The following SLFN12L variants were observed in gnomAD, a reference collection of about 807,000 sequenced individuals.
SLFN12L encodes the protein schlafen family member 12-like.
SLFN12L carries 34 observed loss-of-function variants against 34.8 expected under a neutral mutation model. That is an observed-to-expected ratio of 0.98 (90% CI 0.74 to 1.30). The LOEUF (loss-of-function observed/expected upper bound fraction) is 1.30, where lower values mean the gene tolerates loss of function less well. SLFN12L is among the 50% of genes most tolerant of loss of function. The pLI, the probability that SLFN12L is intolerant of heterozygous loss-of-function variation, is 0.00. For synonymous variants in SLFN12L, 259 were observed against 247.5 expected, an observed-to-expected ratio of 1.05 and a Z score of -0.44; for missense variants, 703 against 696.2, an observed-to-expected ratio of 1.01 and a Z score of -0.11.
intron 1 of SLFN12L, among the ~76,000 whole-genome samples, chr17:35,528,380 T>G (rs958321795): frequency 8.0e-6 from 1 of 125,174 alleles, no homozygotes; most frequent in Non-Finnish European, 1.7e-5. Context: ...CAAGCCTGCA[T>G]AGCCAAGACA....
chr17:35,466,919 T>C lies in SLFN12L; in HGVS notation c.*8004A>G, dbSNP rs934388598. ...CATAGAGGCTTTCACAGATTCTGAGTCTGTGACCCTCCATACCTGGCTACC... is the reference window on the plus strand; with the variant it reads ...CATAGAGGCTTTCACAGATTCTGAGCCTGTGACCCTCCATACCTGGCTACC... On this transcript the variant is annotated 3_prime_UTR_variant, in exon 5 of 5. Coordinates refer to ENST00000628453, the MANE Select transcript of SLFN12L (RefSeq NM_001363830.2). Among the ~76,000 whole-genome samples, 1 of 152,118 alleles carries C rather than the reference T, an allele frequency of 6.6e-6. No homozygotes were observed. The highest frequency in any genetic ancestry group is 2.4e-5 in the African/African-American group (1 of 41,434).
At position 35,471,465 on chromosome 17, in the gene SLFN12L, A is replaced by G. The variant is rs1404836603; in HGVS notation, c.*3458T>C. On this transcript the variant is annotated 3_prime_UTR_variant, in exon 5 of 5. Transcript: ENST00000628453. ...ATGTATCTTTATAGTAGAATGATTT[A>G]CATTCCTTTGGGTATATACCCAGTA... is the stretch of plus-strand genomic sequence containing the variant. Among the ~76,000 whole-genome samples, 2 of 152,134 alleles carry G rather than the reference A, an allele frequency of 1.3e-5. No homozygotes were observed. The highest frequency in any genetic ancestry group is 2.9e-5 in the Non-Finnish European group (2 of 68,028).
At chr17:35,504,783 C>A (rs1915413357) in intron 2 of SLFN12L, among the ~76,000 whole-genome samples, 1 of 152,218 alleles carries the variant, frequency 6.6e-6, no homozygotes, top group Non-Finnish European at 1.5e-5. Context: ...TCTTTGGAGA[C>A]CTGAAGGGAT....
chr17:35,502,580 C>T (rs188310916), intron 2 of SLFN12L, among the ~76,000 whole-genome samples: 25 of 151,678 alleles, frequency 1.6e-4, no homozygotes, highest in Admixed American at 6.6e-4. Flanking sequence ...ATAGATGGTT[C>T]CTCCCGGGCA....
chr17:35,486,452 G>A (rs1193294861), intron 2 of SLFN12L, among the ~76,000 whole-genome samples: 2 of 152,156 alleles, frequency 1.3e-5, no homozygotes, highest in Non-Finnish European at 2.9e-5. Context: ...AGCTGCAGTT[G>A]AGCCACCTTA....
At chr17:35,488,570 A>G (rs773276707) in intron 2 of SLFN12L, among the ~76,000 whole-genome samples, 4 of 152,150 alleles carry the variant, frequency 2.6e-5, no homozygotes, top group Non-Finnish European at 4.4e-5. Context: ...CCACACGTCT[A>G]AGAACTGTTG....
intron 2 of SLFN12L, among the ~76,000 whole-genome samples, chr17:35,497,942 T>C (rs1338270186): frequency 1.3e-5 from 2 of 152,184 alleles, no homozygotes; most frequent in Non-Finnish European, 2.9e-5. Context: ...CCCAGCACTT[T>C]GGGAGGCCAA....
intron 1 of SLFN12L, among the ~76,000 whole-genome samples, chr17:35,534,781 A>G (rs2072443162): frequency 6.6e-6 from 1 of 152,236 alleles, no homozygotes; most frequent in Admixed American, 6.5e-5. Flanking sequence ...TTAGCCAAAC[A>G]TTGAAAGGGA....
At chr17:35,484,420 G>T (rs954326934) in intron 2 of SLFN12L, among the ~76,000 whole-genome samples, 25 of 152,170 alleles carry the variant, frequency 1.6e-4, no homozygotes, top group Non-Finnish European at 8.8e-5. Context: ...TCCTACCTTA[G>T]ACACTGAACC....
At position 35,469,549 on chromosome 17, in the gene SLFN12L, G is replaced by A. The variant is rs961684275; in HGVS notation, c.*5374C>T. Among the ~76,000 whole-genome samples the A allele has an allele frequency of 2.8e-4, 42 of 151,524 alleles. No homozygotes were observed. Among genetic ancestry groups the A allele is most frequent in the Non-Finnish European group, 2.2e-4 (15 of 67,904 alleles). On this transcript the variant is annotated 3_prime_UTR_variant, in exon 5 of 5. Transcript: ENST00000628453. ...ATAAAATATTTTCTAGGCTATTTAG[G>A]GCAACTGTACCCCATCCTTTAAATA...
intron 2 of SLFN12L, among the ~76,000 whole-genome samples, chr17:35,495,082 T>C (rs1597851864): frequency 6.6e-6 from 1 of 151,848 alleles, no homozygotes; most frequent in South Asian, 2.1e-4. Flanking sequence ...TTGTTTTCTG[T>C]AGAGAGGGGG....
intron 1 of SLFN12L, among the ~76,000 whole-genome samples, chr17:35,536,700 C>T (rs1369017511): frequency 6.6e-6 from 1 of 151,246 alleles, no homozygotes; most frequent in East Asian, 1.9e-4. Flanking sequence ...CCCAGCTCCT[C>T]GAGAGTCTGA....
intron 2 of SLFN12L, chr17:35,498,194 G>A: frequency 1.4e-6 from 1 of 692,362 alleles, no homozygotes; most frequent in South Asian, 1.6e-5. Context: ...TGGGGAGCCG[G>A]GGCCGCCTGG....
intron 2 of SLFN12L, among the ~76,000 whole-genome samples, chr17:35,506,860 C>A (rs1047577194): frequency 1.3e-5 from 2 of 152,306 alleles, no homozygotes; most frequent in African/African-American, 4.8e-5. Flanking sequence ...AATCATTAGA[C>A]AATACTGTAT....
rs1914204010 is a variant in SLFN12L at position 35,479,541 on chromosome 17, T to A, written c.741A>T (p.Glu247Asp). ...KLTFTESTHVEIKNFSTEKLL... is the reference protein window; with the variant it reads ...KLTFTESTHVDIKNFSTEKLL... ...ACTTTTCAGTCGAGAAGTTTTTTATTTCAACGTGTGTGGATTCAGTAAAGG... is the reference window on the plus strand; with the variant it reads ...ACTTTTCAGTCGAGAAGTTTTTTATATCAACGTGTGTGGATTCAGTAAAGG... Residue 247 changes from glutamate to aspartate, a missense_variant, in exon 3 of 5, where the codon GAA becomes GAT. Transcript: ENST00000628453. 1.2e-6 allele frequency: 2 copies of A among 1,614,078 alleles called. No homozygotes were observed. Among genetic ancestry groups the A allele is most frequent in the African/African-American group, 2.7e-5 (2 of 74,942 alleles).
At chr17:35,521,829 G>A (rs973415849) in intron 2 of SLFN12L, among the ~76,000 whole-genome samples, 2 of 152,120 alleles carry the variant, frequency 1.3e-5, no homozygotes, top group Non-Finnish European at 2.9e-5. Context: ...AGTCATGATG[G>A]TGCCACTGTA....
At chr17:35,495,418 T>A (rs1375163434) in intron 2 of SLFN12L, among the ~76,000 whole-genome samples, 1 of 152,164 alleles carries the variant, frequency 6.6e-6, no homozygotes, top group Admixed American at 6.5e-5. Context: ...TTCATGTATG[T>A]CGATTATAGC....
At chr17:35,533,614 AG>A (rs1001025374) in intron 1 of SLFN12L, among the ~76,000 whole-genome samples, 7 of 152,168 alleles carry the variant, frequency 4.6e-5, no homozygotes, top group South Asian at 2.1e-4. Context: ...TTGGTGAAGA[AG>A]GGGGGGAAGA....
At chr17:35,506,902 G>A (rs970627640) in intron 2 of SLFN12L, among the ~76,000 whole-genome samples, 21 of 152,222 alleles carry the variant, frequency 1.4e-4, no homozygotes, top group African/African-American at 4.8e-4. Flanking sequence ...CACCCTTCCT[G>A]TGGGAAGACT....
Sources: allele counts gnomAD v4.1 joint callset (sites outside exome capture counted in the v4.1 genomes callset), GRCh38; gene constraint gnomAD v4.1.1; transcripts MANE v1.5; gene names NCBI Gene and HGNC (gene_info 2026-07-23, HGNC 2026-07-21).